AGBL4: variants seen among roughly 807,000 people sequenced by gnomAD.
The protein encoded by AGBL4 is cytosolic carboxypeptidase 6.
AGBL4 carries 58 observed loss-of-function variants against 66.4 expected under a neutral mutation model. The observed-to-expected ratio is 0.87, with a 90% CI of 0.71 to 1.09. The LOEUF is 1.09. Ranked by LOEUF, AGBL4 falls within the 50% of genes least tolerant of loss-of-function variation. AGBL4 has a pLI of 0.00. For synonymous variants in AGBL4, 234 were observed against 222.9 expected, an observed-to-expected ratio of 1.05 and a Z score of -0.44; for missense variants, 579 against 631.0, an observed-to-expected ratio of 0.92 and a Z score of 0.88.
chr1:49,301,850 T>C (rs528176759), intron 3 of AGBL4, among the ~76,000 whole-genome samples: 19 of 152,192 alleles, frequency 1.2e-4, no homozygotes, highest in Admixed American at 1.3e-4. Flanking sequence ...TGTGAATTCA[T>C]CCCCAACCCA....
chr1:49,729,436 G>A (rs1649264525), intron 2 of AGBL4, among the ~76,000 whole-genome samples: 6 of 152,034 alleles, frequency 3.9e-5, no homozygotes. Flanking sequence ...TCCAAAAAAA[G>A]TTCAAATAAA....
At chr1:49,727,475 C>T (rs1424913312) in intron 2 of AGBL4, among the ~76,000 whole-genome samples, 2 of 151,882 alleles carry the variant, frequency 1.3e-5, no homozygotes, top group African/African-American at 2.4e-5. Context: ...AAAGAACACT[C>T]GAAAATAATG....
chr1:49,113,051 C>T lies in AGBL4; in HGVS notation c.378-67251G>A, dbSNP rs372651641. Reference sequence around the variant, plus strand: ...ACTGCGAGCTCTGCCTCCCAGGTTGCGCCATTCTCCTGTCTCAGCCTCCTG... The same window carrying T: ...ACTGCGAGCTCTGCCTCCCAGGTTGTGCCATTCTCCTGTCTCAGCCTCCTG... On this transcript the variant is annotated intron_variant, in intron 4 of 13. Coordinates refer to ENST00000371839, the MANE Select transcript of AGBL4 (RefSeq NM_032785.4). Among the ~76,000 whole-genome samples the T allele has an allele frequency of 3.3e-4, 50 of 151,370 alleles. 2 individuals are homozygous for T. Among genetic ancestry groups the T allele is most frequent in the South Asian group, 1.7e-3 (8 of 4,766 alleles).
At chr1:48,828,241 C>G (rs1020251063) in intron 6 of AGBL4, among the ~76,000 whole-genome samples, 2 of 151,754 alleles carry the variant, frequency 1.3e-5, no homozygotes, top group African/African-American at 4.8e-5. Context: ...CCACCTCATG[C>G]CAAAACATCA....
intron 3 of AGBL4, among the ~76,000 whole-genome samples, chr1:49,667,955 A>G (rs1646401608): frequency 6.6e-6 from 1 of 152,204 alleles, no homozygotes. Flanking sequence ...CTTTATGTGT[A>G]AAATGGGAAA....
intron 1 of AGBL4, among the ~76,000 whole-genome samples, chr1:49,981,773 C>G (rs987376467): frequency 1.3e-5 from 2 of 152,170 alleles, no homozygotes; most frequent in African/African-American, 4.8e-5. Flanking sequence ...AACCACTAAA[C>G]CAATTTCCTA....
chr1:48,611,823 G>A (rs879269726), intron 9 of AGBL4, among the ~76,000 whole-genome samples: 23 of 152,224 alleles, frequency 1.5e-4, no homozygotes, highest in Non-Finnish European at 3.2e-4. Flanking sequence ...ATCTGTGTGA[G>A]ACTATCCCTA....
At chr1:49,456,063 C>G (rs1011751432) in intron 3 of AGBL4, among the ~76,000 whole-genome samples, 1 of 151,742 alleles carries the variant, frequency 6.6e-6, no homozygotes, top group Admixed American at 6.6e-5. Flanking sequence ...CACACATTAT[C>G]AATCAATCAA....
intron 5 of AGBL4, among the ~76,000 whole-genome samples, chr1:48,928,196 C>T (rs1654751588): frequency 1.3e-5 from 2 of 152,136 alleles, no homozygotes; most frequent in Non-Finnish European, 2.9e-5. Flanking sequence ...GAACAGACAG[C>T]CCCATCACTG....
chr1:49,839,319 A>G (rs990076994), intron 2 of AGBL4, among the ~76,000 whole-genome samples: 5 of 152,188 alleles, frequency 3.3e-5, no homozygotes, highest in African/African-American at 1.2e-4. Flanking sequence ...TTTTTGGTCT[A>G]CAGTTACAGA....
At chr1:49,998,536 A>T (rs1159889825) in intron 1 of AGBL4, among the ~76,000 whole-genome samples, 1 of 152,108 alleles carries the variant, frequency 6.6e-6, no homozygotes, top group Non-Finnish European at 1.5e-5. Flanking sequence ...CAATCCTATT[A>T]ACACTTTTCC....
chr1:49,618,928 C>A (rs1055708829), intron 3 of AGBL4, among the ~76,000 whole-genome samples: 1 of 152,096 alleles, frequency 6.6e-6, no homozygotes, highest in African/African-American at 2.4e-5. Context: ...CCGCTTCATG[C>A]TAAAAATTCT....
intron 6 of AGBL4, among the ~76,000 whole-genome samples, chr1:48,665,391 C>T (rs1646169845): frequency 1.3e-5 from 2 of 152,142 alleles, no homozygotes; most frequent in East Asian, 1.9e-4. Context: ...AGTAGGTGCT[C>T]GAGGACTGGC....
intron 7 of AGBL4, among the ~76,000 whole-genome samples, chr1:48,659,022 C>G (rs1211924486): frequency 6.6e-6 from 1 of 152,132 alleles, no homozygotes; most frequent in Non-Finnish European, 1.5e-5. Flanking sequence ...GGCAGGAGAC[C>G]TCGATCTAGT....
chr1:49,596,352 G>A (rs750313025), intron 3 of AGBL4, among the ~76,000 whole-genome samples: 4 of 152,026 alleles, frequency 2.6e-5, no homozygotes, highest in Non-Finnish European at 4.4e-5. Flanking sequence ...GTATTTTTTG[G>A]TAGAGACAGG....
At chr1:49,861,234 G>C (rs1557521737) in intron 1 of AGBL4, among the ~76,000 whole-genome samples, 1 of 152,160 alleles carries the variant, frequency 6.6e-6, no homozygotes, top group Non-Finnish European at 1.5e-5. Context: ...TAAGCCTAGA[G>C]CTGAACTAGG....
At chr1:49,596,029 G>A (rs1004532825) in intron 3 of AGBL4, among the ~76,000 whole-genome samples, 3 of 152,076 alleles carry the variant, frequency 2.0e-5, no homozygotes, top group African/African-American at 4.8e-5. Flanking sequence ...TATTGTATGA[G>A]AGAGGCAGGT....
At chr1:48,934,311 G>C (rs1371648357) in intron 5 of AGBL4, among the ~76,000 whole-genome samples, 1 of 152,076 alleles carries the variant, frequency 6.6e-6, no homozygotes, top group Non-Finnish European at 1.5e-5. Context: ...CAGCATGAAT[G>C]AACTAGAGCA....
intron 2 of AGBL4, among the ~76,000 whole-genome samples, chr1:49,834,126 T>C (rs556267864): frequency 6.6e-6 from 1 of 152,230 alleles, no homozygotes; most frequent in Non-Finnish European, 1.5e-5. Flanking sequence ...GTCCTTCTTT[T>C]TCTATCGTTT....
Sources: allele counts gnomAD v4.1 joint callset (sites outside exome capture counted in the v4.1 genomes callset), GRCh38; gene constraint gnomAD v4.1.1; transcripts MANE v1.5; gene names NCBI Gene and HGNC (gene_info 2026-07-23, HGNC 2026-07-21).